Variants in FSTL4 observed in about 807,000 individuals in gnomAD.
FSTL4 encodes the protein follistatin-related protein 4.
Under a neutral mutation model 78.2 loss-of-function variants are expected in FSTL4, and 28 were observed. The observed-to-expected ratio is 0.36, with a 90% CI of 0.27 to 0.49. The LOEUF is 0.49. FSTL4 is among the 20% of genes least tolerant of loss of function. FSTL4 has a pLI of 0.98. For synonymous variants in FSTL4, 422 were observed against 440.5 expected (o/e 0.96, Z 0.53); for missense variants, 922 against 1,084.9 (o/e 0.85, Z 2.11).
the FSTL4 span, among the ~76,000 whole-genome samples, chr5:133,828,638 G>A: frequency 6.6e-6 from 1 of 152,184 alleles, no homozygotes; most frequent in Non-Finnish European, 1.5e-5. Flanking sequence ...TATGGGCACC[G>A]TGATCCTCCA....
the FSTL4 span, among the ~76,000 whole-genome samples, chr5:133,773,257 C>CA: frequency 0.097 from 12,503 of 128,470 alleles, 781 homozygotes; most frequent in African/African-American, 0.19. Context: ...TTCATATGAC[C>CA]AAAAAAAAAA....
chr5:133,752,732 T>A, the FSTL4 span, among the ~76,000 whole-genome samples: 1 of 152,164 alleles, frequency 6.6e-6, no homozygotes, highest in African/African-American at 2.4e-5. Flanking sequence ...TATATAACAG[T>A]GATCATTTGT....
intron 3 of FSTL4, among the ~76,000 whole-genome samples, chr5:133,545,862 C>T (rs1274673764): frequency 6.6e-6 from 1 of 152,112 alleles, no homozygotes; most frequent in Non-Finnish European, 1.5e-5. Flanking sequence ...TGGTCATGAC[C>T]AGAATGTTCA....
At chr5:133,748,659 C>G in the FSTL4 span, among the ~76,000 whole-genome samples, 2 of 152,186 alleles carry the variant, frequency 1.3e-5, no homozygotes, top group Admixed American at 6.5e-5. Context: ...GCTCAGGGAG[C>G]TGGGCAGACT....
chr5:133,757,030 G>A, the FSTL4 span, among the ~76,000 whole-genome samples: 21 of 152,082 alleles, frequency 1.4e-4, 2 homozygotes, highest in Non-Finnish European at 2.9e-5. Context: ...TATCTGGCTC[G>A]CCATGCTTAC....
intron 2 of FSTL4, among the ~76,000 whole-genome samples, chr5:133,601,144 G>A (rs1760859619): frequency 6.6e-6 from 1 of 152,230 alleles, no homozygotes; most frequent in Admixed American, 6.5e-5. Flanking sequence ...GAATGAACCT[G>A]CTGTGCAGGG....
chr5:133,817,536 AGT>A, the FSTL4 span, among the ~76,000 whole-genome samples: 1 of 152,192 alleles, frequency 6.6e-6, no homozygotes, highest in Non-Finnish European at 1.5e-5. Flanking sequence ...CTAGACCTGA[AGT>A]GTAAGAGGAC....
At chr5:133,261,833 A>G (rs1379852850) in intron 6 of FSTL4, among the ~76,000 whole-genome samples, 1 of 152,088 alleles carries the variant, frequency 6.6e-6, no homozygotes, top group Admixed American at 6.6e-5. Flanking sequence ...TCTACAAAAA[A>G]TACAAATAAT....
the FSTL4 span, among the ~76,000 whole-genome samples, chr5:133,657,766 G>T: frequency 0.04 from 3,441 of 85,140 alleles, 70 homozygotes; most frequent in Non-Finnish European, 0.05. Flanking sequence ...ACTGTTTTTT[G>T]TTTTTTTTGT....
rs530876491 is a variant in FSTL4, at chr5:133,328,933, G to A, written c.410-12281C>T. Among the ~76,000 whole-genome samples the A allele has an allele frequency of 7.2e-4, 109 of 152,344 alleles. 2 individuals carry two copies. Among genetic ancestry groups the A allele is most frequent in the African/African-American group, 2.4e-3 (98 of 41,584 alleles). ...CAGTAACTTTGCTCAGCGTCAGCGA[G>A]GCAATGGCGTCAGTGATGTCCAGAA... On this transcript the variant is annotated intron_variant, in intron 4 of 15. Transcript: ENST00000265342.
chr5:133,631,900 A>G, the FSTL4 span, among the ~76,000 whole-genome samples: 2 of 152,216 alleles, frequency 1.3e-5, no homozygotes, highest in African/African-American at 2.4e-5. Context: ...ACAGAGGAAC[A>G]GAAAACCAAA....
At chr5:133,813,088 C>T in the FSTL4 span, among the ~76,000 whole-genome samples, 1 of 152,224 alleles carries the variant, frequency 6.6e-6, no homozygotes, top group African/African-American at 2.4e-5. Context: ...AGTTTCTCAA[C>T]CACATGCCCA....
chr5:133,809,950 C>T, the FSTL4 span, among the ~76,000 whole-genome samples: 48 of 152,370 alleles, frequency 3.2e-4, no homozygotes, highest in African/African-American at 1.1e-3. Flanking sequence ...CAGACCAGGG[C>T]TGCCCTCAAG....
chr5:133,839,727 C>A, the FSTL4 span, among the ~76,000 whole-genome samples: 1 of 152,206 alleles, frequency 6.6e-6, no homozygotes, highest in East Asian at 1.9e-4. Context: ...CTGAGCGCCC[C>A]TTTGCTGAGT....
At chr5:133,511,096 C>T (rs1758722739) in intron 3 of FSTL4, among the ~76,000 whole-genome samples, 1 of 152,202 alleles carries the variant, frequency 6.6e-6, no homozygotes, top group Admixed American at 6.5e-5. Flanking sequence ...TGAGTTCCAT[C>T]AAGGCCACAG....
chr5:133,221,042 G>A (rs1005951231), intron 11 of FSTL4, 176 bp from the exon 12 acceptor site: 11 of 696,398 alleles, frequency 1.6e-5, no homozygotes, highest in Non-Finnish European at 2.6e-5. Context: ...CTGGATGGGT[G>A]CAGAGAGGGC....
At chr5:133,316,720 T>C (rs1429704189) in intron 4 of FSTL4, 68 bp from the exon 5 acceptor site, 2 of 1,338,978 alleles carry the variant, frequency 1.5e-6, no homozygotes, top group African/African-American at 2.9e-5. Flanking sequence ...TTCTTGCCGC[T>C]GGTCCATTCA....
chr5:133,652,343 T>C, the FSTL4 span, among the ~76,000 whole-genome samples: 1 of 152,204 alleles, frequency 6.6e-6, no homozygotes, highest in Non-Finnish European at 1.5e-5. Context: ...GAAATTTAGC[T>C]GAATAACTTC....
chr5:133,277,319 AAAAAG>A (rs1752906198), intron 6 of FSTL4, among the ~76,000 whole-genome samples: 1 of 152,002 alleles, frequency 6.6e-6, no homozygotes, highest in African/African-American at 2.4e-5. Context: ...TCTCAAAAAA[AAAAAG>A]AAAAGAAAAG....
Sources: gnomAD v4.1 joint callset for allele counts (sites outside exome capture counted in the v4.1 genomes callset) on GRCh38, gnomAD v4.1.1 for gene constraint, MANE v1.5 for transcripts, NCBI Gene and HGNC (gene_info 2026-07-23, HGNC 2026-07-21) for gene names.